The following WWTR1 variants were observed in gnomAD, a reference collection of about 807,000 sequenced individuals.
WWTR1 encodes WW domain containing transcription regulator 1.
In WWTR1, 13 loss-of-function variants were observed where a neutral mutation model predicts 40.1. The observed-to-expected ratio is 0.32, with a 90% CI of 0.21 to 0.52. The LOEUF (loss-of-function observed/expected upper bound fraction) is 0.52. WWTR1 is among the 20% of genes least tolerant of loss of function. The pLI, the probability that WWTR1 is intolerant of heterozygous loss-of-function variation, is 0.97. For synonymous variants in WWTR1, 230 were observed against 210.1 expected (o/e 1.09, Z -0.82); for missense variants, 436 against 523.1 (o/e 0.83, Z 1.63).
chr3:149,556,580 AAAAC>A (rs886583451), intron 3 of WWTR1, among the ~76,000 whole-genome samples: 5 of 152,248 alleles, frequency 3.3e-5, no homozygotes, highest in African/African-American at 9.6e-5. Context: ...TGCCGTCTCA[AAAAC>A]AAACAAACAA....
chr3:149,602,306 T>C (rs901537707), intron 2 of WWTR1, among the ~76,000 whole-genome samples: 3 of 152,202 alleles, frequency 2.0e-5, no homozygotes, highest in African/African-American at 4.8e-5. Flanking sequence ...AGCATTCACA[T>C]GTATTTTTGC....
intron 4 of WWTR1, among the ~76,000 whole-genome samples, chr3:149,536,204 C>G (rs1735822922): frequency 6.6e-6 from 1 of 151,992 alleles, no homozygotes; most frequent in Non-Finnish European, 1.5e-5. Context: ...ACTTTTAATG[C>G]CTAGAGCATT....
At chr3:149,579,281 C>T (rs1336731247) in intron 2 of WWTR1, among the ~76,000 whole-genome samples, 1 of 152,142 alleles carries the variant, frequency 6.6e-6, no homozygotes, top group Non-Finnish European at 1.5e-5. Flanking sequence ...AAGCAGCCTC[C>T]AAACTGCCTC....
At chr3:149,690,825 T>C (rs944466181) in intron 1 of WWTR1, among the ~76,000 whole-genome samples, 1 of 152,170 alleles carries the variant, frequency 6.6e-6, no homozygotes, top group African/African-American at 2.4e-5. Context: ...ATTCTTCTCC[T>C]CAAGACATGG....
At chr3:149,548,844 T>A (rs1185069798) in intron 3 of WWTR1, among the ~76,000 whole-genome samples, 1 of 152,164 alleles carries the variant, frequency 6.6e-6, no homozygotes. Flanking sequence ...GAATATGTGG[T>A]TTTGTTAATG....
In WWTR1 at chr3:149,573,807, T is replaced by G. The variant is rs113188162; in HGVS notation, c.432-807A>C. The stretch of plus-strand genomic sequence containing the variant: ...GAAACATGAGCTTCTGCTCAGAGTT[T>G]CCAGTACATTCTAAGAAAGGTGGAC... On this transcript the variant is annotated intron_variant, in intron 2 of 6. Transcript: ENST00000360632. Among the ~76,000 whole-genome samples the G allele has an allele frequency of 3.9e-3, 600 of 152,204 alleles. 2 individuals carry two copies. Among genetic ancestry groups the G allele is most frequent in the African/African-American group, 0.014 (563 of 41,518 alleles).
At chr3:149,644,804 CA>C (rs1357016763) in intron 2 of WWTR1, among the ~76,000 whole-genome samples, 1 of 152,100 alleles carries the variant, frequency 6.6e-6, no homozygotes, top group East Asian at 1.9e-4. Flanking sequence ...CTTGGGGTTG[CA>C]GGGTGGTGGT....
At chr3:149,554,005 C>A (rs1435785745) in intron 3 of WWTR1, among the ~76,000 whole-genome samples, 1 of 152,112 alleles carries the variant, frequency 6.6e-6, no homozygotes, top group Admixed American at 6.6e-5. Flanking sequence ...AACAATGAGC[C>A]GCTTGTTTCT....
intron 1 of WWTR1, among the ~76,000 whole-genome samples, chr3:149,674,568 CAGAG>C (rs1188006812): frequency 6.6e-6 from 1 of 151,064 alleles, no homozygotes; most frequent in African/African-American, 2.4e-5. Flanking sequence ...TCTTGGGTGA[CAGAG>C]AGAGATTCCA....
intron 2 of WWTR1, among the ~76,000 whole-genome samples, chr3:149,601,063 T>G (rs1341518713): frequency 2.0e-5 from 3 of 152,294 alleles, no homozygotes; most frequent in Admixed American, 2.0e-4. Flanking sequence ...AATGACTATT[T>G]TAACCACCCT....
At chr3:149,562,608 C>G (rs1475678149) in intron 3 of WWTR1, among the ~76,000 whole-genome samples, 1 of 92,524 alleles carries the variant, frequency 1.1e-5, no homozygotes, top group Non-Finnish European at 2.1e-5. Flanking sequence ...CAGACACACA[C>G]ACACACACAC....
At chr3:149,606,407 T>C (rs1560081804) in intron 2 of WWTR1, among the ~76,000 whole-genome samples, 1 of 152,224 alleles carries the variant, frequency 6.6e-6, no homozygotes. Flanking sequence ...TTAAAATTTC[T>C]AAGAAATCCC....
At chr3:149,570,372 C>T (rs568692053) in intron 3 of WWTR1, among the ~76,000 whole-genome samples, 9 of 152,128 alleles carry the variant, frequency 5.9e-5, no homozygotes, top group African/African-American at 1.9e-4. Context: ...AGTTCGGGAC[C>T]AACTTGGCCA....
chr3:149,692,119 A>G (rs1284512607), intron 1 of WWTR1, among the ~76,000 whole-genome samples: 2 of 152,094 alleles, frequency 1.3e-5, no homozygotes, highest in African/African-American at 4.8e-5. Flanking sequence ...CTATGAAGTC[A>G]GTATTACCCT....
chr3:149,680,670 A>T (rs115501501), intron 1 of WWTR1, among the ~76,000 whole-genome samples: 44,295 of 148,284 alleles, frequency 0.3, 6,716 homozygotes, highest in Admixed American at 0.39. Flanking sequence ...ACCATTTCTA[A>T]AAAAAAAAAA....
rs1346704980 is a variant in WWTR1, at chr3:149,595,174, A to G, written c.432-22174T>C. 6.6e-5 allele frequency among the ~76,000 whole-genome samples: 10 copies of G among 151,496 alleles called. No homozygotes were observed. The East Asian group carries it at 1.7e-3, about 26-fold the overall frequency. On this transcript the variant is annotated intron_variant, in intron 2 of 6. Transcript: ENST00000360632. ...ACAGGGTTTCACCATGCTGCCCAGG[A>G]CGGTCTCAATCTCTTAACCTCGTGA...
intron 1 of WWTR1, among the ~76,000 whole-genome samples, chr3:149,698,706 C>T (rs934779326): frequency 2.0e-5 from 3 of 152,240 alleles, no homozygotes; most frequent in African/African-American, 7.2e-5. Context: ...AACCATCAAG[C>T]CTTCTTCACA....
rs1428443575 is a variant in WWTR1, at chr3:149,520,854, T to A, written c.1154A>T (p.Asp385Val). ...ACTTTTGTTCAGAGCAGACTCTACATCATTGAAGAGGGGGATCAGGTCTTC... is the reference window on the plus strand; with the variant it reads ...ACTTTTGTTCAGAGCAGACTCTACAACATTGAAGAGGGGGATCAGGTCTTC... Reference protein sequence around the residue: ...ESEDLIPLFNDVESALNKSEP... With the variant: ...ESEDLIPLFNVVESALNKSEP... The change falls in exon 7 of 7, where the codon GAT (aspartate) becomes GTT (valine). Residue 385 changes from aspartate (D) to valine (V), a missense_variant. Coordinates refer to ENST00000360632, the MANE Select transcript of WWTR1 (RefSeq NM_015472.6). 2 of 1,613,330 alleles carry A rather than the reference T, an allele frequency of 1.2e-6. No individual in the cohort carries two copies. The highest frequency in any genetic ancestry group is 4.5e-5 in the East Asian group (2 of 44,862).
chr3:149,542,258 A>G, intron 4 of WWTR1, 77 bp downstream of exon 4: 1 of 1,488,412 alleles, frequency 6.7e-7, no homozygotes, highest in Non-Finnish European at 9.1e-7. Context: ...AATTACCCTG[A>G]AGGTAAGCAG....
Sources: gnomAD v4.1 joint callset for allele counts (sites outside exome capture counted in the v4.1 genomes callset) on GRCh38, gnomAD v4.1.1 for gene constraint, MANE v1.5 for transcripts, NCBI Gene and HGNC (gene_info 2026-07-23, HGNC 2026-07-21) for gene names.